DMRT1: variants seen among roughly 807,000 people sequenced by gnomAD.
DMRT1 encodes doublesex- and mab-3-related transcription factor 1.
A neutral mutation model predicts 32.3 loss-of-function variants in DMRT1; 7 were observed. The ratio of observed to expected loss-of-function variants is 0.22; its 90% CI spans 0.12 to 0.41. The LOEUF (loss-of-function observed/expected upper bound fraction) is 0.41. DMRT1 is among the 10% of genes least tolerant of loss of function. The probability of loss-of-function intolerance (pLI) is 1.00; values close to 1 mark genes in which losing one functional copy is unlikely to be tolerated. For missense variants in DMRT1, 625 were observed against 500.5 expected, an observed-to-expected ratio of 1.25 and a Z score of -2.37; for synonymous variants, 278 against 206.1, an observed-to-expected ratio of 1.35 and a Z score of -2.99.
At position 860,036 on chromosome 9, in the gene DMRT1, C is replaced by T. The variant is rs534622853; in HGVS notation, c.538+12893C>T. Reference sequence around the variant, plus strand: ...ATGGGGTAGGGCACGGTGGCTCACGCCTGTAATCCCAGCACTTTGGGAGGC... The same window carrying T: ...ATGGGGTAGGGCACGGTGGCTCACGTCTGTAATCCCAGCACTTTGGGAGGC... On this transcript the variant is annotated intron_variant, in intron 2 of 4. Coordinates refer to ENST00000382276, the MANE Select transcript of DMRT1 (RefSeq NM_021951.3). 2.4e-4 allele frequency among the ~76,000 whole-genome samples: 36 copies of T among 152,218 alleles called. No homozygotes were observed. The East Asian group carries it at 6.6e-3, about 28-fold the overall frequency.
At chr9:952,417 C>T (rs1289390949) in intron 4 of DMRT1, among the ~76,000 whole-genome samples, 1 of 152,184 alleles carries the variant, frequency 6.6e-6, no homozygotes, top group African/African-American at 2.4e-5. Flanking sequence ...AAAATTTATA[C>T]TTTTAAAATT....
chr9:894,224 C>A lies in DMRT1; in HGVS notation c.822+29C>A, dbSNP rs59168737. 0.025 allele frequency: 39,662 copies of A among 1,611,018 alleles called. 662 individuals carry two copies. Among genetic ancestry groups the A allele is most frequent in the African/African-American group, 0.08 (5,971 of 74,896 alleles). On this transcript the variant is annotated intron_variant, in intron 3 of 4. Transcript: ENST00000382276. ...TGATATTAATTACCCAGAGAGTGAA[C>A]TGGTTGTGTGAAAGCCACATGCATG...
intron 4 of DMRT1, among the ~76,000 whole-genome samples, chr9:934,942 G>A (rs1162778428): frequency 1.3e-5 from 2 of 152,000 alleles, no homozygotes; most frequent in Non-Finnish European, 2.9e-5. Context: ...ATATTTTCTC[G>A]GTTATCTTAC....
At chr9:871,224 T>C (rs1325261906) in intron 2 of DMRT1, among the ~76,000 whole-genome samples, 1 of 150,280 alleles carries the variant, frequency 6.7e-6, no homozygotes, top group Non-Finnish European at 1.5e-5. Flanking sequence ...GACGGGGTTT[T>C]GCCACGTTGC....
chr9:847,236 A>C, intron 2 of DMRT1, 93 bp downstream of exon 2: 1 of 1,343,590 alleles, frequency 7.4e-7, no homozygotes, highest in Non-Finnish European at 1.0e-6. Context: ...TGAGCTACAT[A>C]CAGTGTTTAG....
At position 873,025 on chromosome 9, in the gene DMRT1, C is replaced by G. The variant is rs144032583; in HGVS notation, c.539-20887C>G. Among the ~76,000 whole-genome samples, 73 of 152,324 alleles carry G rather than the reference C, an allele frequency of 4.8e-4. No homozygotes were observed. The Middle Eastern group carries it at 0.01, about 21-fold the overall frequency. On this transcript the variant is annotated intron_variant, in intron 2 of 4. Coordinates refer to ENST00000382276, the MANE Select transcript of DMRT1 (RefSeq NM_021951.3). ...TGTCTTTCGGAAACACTCACAGACA[C>G]ACCCCAGAAATAATCCTTGAGCAGT...
At chr9:961,681 G>A (rs1819777116) in intron 4 of DMRT1, among the ~76,000 whole-genome samples, 1 of 152,164 alleles carries the variant, frequency 6.6e-6, no homozygotes, top group Non-Finnish European at 1.5e-5. Flanking sequence ...TAGTAAACAT[G>A]TATTCCTGGT....
At chr9:945,560 C>T (rs922181190) in intron 4 of DMRT1, among the ~76,000 whole-genome samples, 1 of 152,172 alleles carries the variant, frequency 6.6e-6, no homozygotes, top group Middle Eastern at 3.4e-3. Flanking sequence ...CTAAAAAATA[C>T]CTTTAAAAGC....
chr9:954,847 G>C (rs1414483253), intron 4 of DMRT1, among the ~76,000 whole-genome samples: 1 of 151,942 alleles, frequency 6.6e-6, no homozygotes, highest in African/African-American at 2.4e-5. Flanking sequence ...TCACCATGTT[G>C]GCCAGGCTGG....
intron 2 of DMRT1, among the ~76,000 whole-genome samples, chr9:862,367 GGC>G (rs1399536519): frequency 6.6e-6 from 1 of 152,010 alleles, no homozygotes; most frequent in East Asian, 1.9e-4. Flanking sequence ...CAGGTGTGGC[GGC>G]GCGCGCCTGC....
intron 4 of DMRT1, 137 bp from the exon 5 acceptor site, chr9:967,847 CT>C (rs1819980353): frequency 2.3e-6 from 2 of 854,828 alleles, no homozygotes; most frequent in South Asian, 2.9e-5. Context: ...TATAAAAACA[CT>C]TTCAACTCAG....
At chr9:873,612 C>T (rs999020823) in intron 2 of DMRT1, among the ~76,000 whole-genome samples, 7 of 152,160 alleles carry the variant, frequency 4.6e-5, no homozygotes. Context: ...ATCCACCGCG[C>T]CCAGCCTCTA....
At chr9:887,936 A>G (rs1206025966) in intron 2 of DMRT1, among the ~76,000 whole-genome samples, 2 of 152,238 alleles carry the variant, frequency 1.3e-5, no homozygotes, top group African/African-American at 4.8e-5. Flanking sequence ...GTTATATGAT[A>G]ACTAGTGAAT....
At chr9:883,857 A>C (rs73374708) in intron 2 of DMRT1, among the ~76,000 whole-genome samples, 8,511 of 152,028 alleles carry the variant, frequency 0.056, 426 homozygotes, top group African/African-American at 0.14. Context: ...CTCAACACAA[A>C]GTATTAGTTG....
intron 4 of DMRT1, among the ~76,000 whole-genome samples, chr9:940,831 C>G (rs891923787): frequency 1.3e-5 from 2 of 152,126 alleles, no homozygotes; most frequent in Non-Finnish European, 2.9e-5. Context: ...CAGAGATCTG[C>G]TAAAACTCAG....
rs770941494 is a variant in DMRT1 at position 916,836 on chromosome 9, A to G, written c.896A>G (p.Tyr299Cys). 6.2e-7 allele frequency: 1 copy of G among 1,614,176 alleles called. No individual in the cohort carries two copies. Among genetic ancestry groups the G allele is most frequent in the Admixed American group, 1.7e-5 (1 of 60,030 alleles). ...CATTCTTACTACCCGCCTCCCTCTT[A>G]CCTGGGCCAGAGCGTGCCCCAGTTC... ...RMHSYYPPPS[Y>C]LGQSVPQFFT... is the part of the protein sequence containing the mutation. Residue 299 changes from tyrosine to cysteine, a missense_variant, in exon 4 of 5, where the codon TAC (tyrosine) becomes TGC (cysteine). This residue lies in a region of DMRT1 where 416 missense variants were observed against 321.6 expected (regional missense o/e 1.29). Transcript: ENST00000382276.
Position 967,969 on chromosome 9 carries a change from T to C in DMRT1, c.968-16T>C, listed in dbSNP as rs1819986119. 2 of 1,613,016 alleles carry C rather than the reference T, an allele frequency of 1.2e-6. No individual in the cohort carries two copies. Among genetic ancestry groups the C allele is most frequent in the East Asian group, 2.2e-5 (1 of 44,882 alleles). On this transcript the variant is annotated splice_polypyrimidine_tract_variant and intron_variant, in intron 4 of 4. Transcript: ENST00000382276. ...CTTTCTCCCTTTCTCTCTTTCTCTC[T>C]CACCTCACTTCGCAGTATTCTCGCC...
chr9:905,705 C>T (rs1189723321), intron 3 of DMRT1, among the ~76,000 whole-genome samples: 2 of 152,120 alleles, frequency 1.3e-5, no homozygotes, highest in African/African-American at 4.8e-5. Flanking sequence ...AGCAGAACAG[C>T]CCTGGAACAG....
At chr9:967,580 A>G (rs941117074) in intron 4 of DMRT1, among the ~76,000 whole-genome samples, 3 of 152,180 alleles carry the variant, frequency 2.0e-5, no homozygotes, top group Admixed American at 6.5e-5. Flanking sequence ...GTGGAAATGC[A>G]TGGGTGGAGT....
Sources: allele counts gnomAD v4.1 joint callset (sites outside exome capture counted in the v4.1 genomes callset), GRCh38; gene constraint gnomAD v4.1.1; regional missense constraint gnomAD v4.1.1; transcripts MANE v1.5; gene names NCBI Gene and HGNC (gene_info 2026-07-23, HGNC 2026-07-21).